The following CCDC3 variants were observed in gnomAD, a reference collection of about 807,000 sequenced individuals.
The protein encoded by CCDC3 is coiled-coil domain containing 3, also known as coiled-coil domain-containing protein 3.
A neutral mutation model predicts 21.4 loss-of-function variants in CCDC3; 24 were observed. The observed-to-expected ratio is 1.12, with a 90% CI of 0.81 to 1.58. CCDC3 has a LOEUF of 1.58. Among genes scored for constraint, CCDC3 ranks in the 40% most tolerant of loss-of-function variants. The pLI is 0.00. For missense variants in CCDC3, 425 were observed against 360.9 expected (o/e 1.18, Z -1.44); for synonymous variants, 186 against 166.0 (o/e 1.12, Z -0.93).
At chr10:13,076,872 A>C (rs745871675) in intron 3 of CCDC3, among the ~76,000 whole-genome samples, 2 of 152,204 alleles carry the variant, frequency 1.3e-5, no homozygotes, top group Non-Finnish European at 2.9e-5. Context: ...GCTCCAGCCA[A>C]TGGAGACAGG....
At chr10:12,948,177 C>T (rs781119841) in intron 2 of CCDC3, among the ~76,000 whole-genome samples, 8 of 152,116 alleles carry the variant, frequency 5.3e-5, no homozygotes, top group Non-Finnish European at 1.0e-4. Flanking sequence ...GGGCAGTTCC[C>T]CTGCACACAC....
At chr10:13,071,254 C>T (rs1042605980) in intron 4 of CCDC3, among the ~76,000 whole-genome samples, 4 of 152,060 alleles carry the variant, frequency 2.6e-5, no homozygotes, top group Non-Finnish European at 5.9e-5. Context: ...TCAATTCCAC[C>T]GCTTCATCTC....
At chr10:13,081,699 G>T (rs537309282) in intron 3 of CCDC3, among the ~76,000 whole-genome samples, 320 of 152,260 alleles carry the variant, frequency 2.1e-3, no homozygotes, top group African/African-American at 7.2e-3. Flanking sequence ...ACAATGACAA[G>T]ACCAAAGTCT....
At position 13,050,706 on chromosome 10, in the gene CCDC3, G is replaced by A. The variant is rs1274220337; in HGVS notation, c.-269-765C>T. Among the ~76,000 whole-genome samples the A allele has an allele frequency of 2.0e-5, 3 of 151,922 alleles. No homozygotes were observed. The East Asian group carries it at 5.8e-4, about 29-fold the overall frequency. On this transcript the variant is annotated intron_variant, in intron 4 of 6. Transcript: ENST00000378839. ...GAACTCCTGACTTTGTGATCCACCCGCCTCAGCCTCCCAAAGTGCTTAGAT... is the reference window on the plus strand; with the variant it reads ...GAACTCCTGACTTTGTGATCCACCCACCTCAGCCTCCCAAAGTGCTTAGAT...
chr10:12,949,488 T>A (rs961603811), intron 2 of CCDC3, among the ~76,000 whole-genome samples: 2 of 152,206 alleles, frequency 1.3e-5, no homozygotes, highest in Non-Finnish European at 2.9e-5. Context: ...TGGAGGGATC[T>A]GACACTGTGG....
intron 2 of CCDC3, among the ~76,000 whole-genome samples, chr10:12,964,314 G>A (rs987311217): frequency 6.6e-6 from 1 of 151,882 alleles, no homozygotes; most frequent in Non-Finnish European, 1.5e-5. Flanking sequence ...AGAGGTTGCA[G>A]TGAGCTGAGA....
At chr10:12,953,763 G>A (rs754623587) in intron 2 of CCDC3, among the ~76,000 whole-genome samples, 13 of 151,968 alleles carry the variant, frequency 8.6e-5, no homozygotes, top group Non-Finnish European at 1.6e-4. Context: ...GATCACAGAA[G>A]AAAAAAAACC....
intron 4 of CCDC3, among the ~76,000 whole-genome samples, chr10:13,061,986 G>T: frequency 7.1e-6 from 1 of 141,572 alleles, no homozygotes; most frequent in African/African-American, 2.7e-5. Flanking sequence ...ACCCAGAAAG[G>T]ACAGTTTTAC....
intron 5 of CCDC3, among the ~76,000 whole-genome samples, chr10:13,032,733 C>A (rs1554763162): frequency 6.6e-6 from 1 of 152,174 alleles, no homozygotes; most frequent in Non-Finnish European, 1.5e-5. Context: ...AGTCAACTCC[C>A]ATTCACAATT....
At chr10:12,982,206 G>A (rs1835509308) in intron 2 of CCDC3, among the ~76,000 whole-genome samples, 1 of 149,288 alleles carries the variant, frequency 6.7e-6, no homozygotes, top group Admixed American at 6.7e-5. Flanking sequence ...CAACGTGGAG[G>A]ACCTTGAGGA....
chr10:13,000,105 G>T (rs183115446), intron 1 of CCDC3, among the ~76,000 whole-genome samples: 57 of 152,314 alleles, frequency 3.7e-4, no homozygotes, highest in African/African-American at 1.3e-3. Flanking sequence ...AGCTAAAAGT[G>T]AATCTGCAGA....
chr10:12,974,892 T>C (rs1438026063), intron 2 of CCDC3, among the ~76,000 whole-genome samples: 1 of 152,230 alleles, frequency 6.6e-6, no homozygotes. Flanking sequence ...CTAATATTTT[T>C]TGAGAACCCA....
chr10:12,956,740 T>A (rs1452419518), intron 2 of CCDC3, among the ~76,000 whole-genome samples: 1 of 152,126 alleles, frequency 6.6e-6, no homozygotes, highest in Non-Finnish European at 1.5e-5. Flanking sequence ...CAGCTACAAC[T>A]TTTAGCACAA....
intron 4 of CCDC3, among the ~76,000 whole-genome samples, chr10:13,073,553 T>A (rs1321883752): frequency 9.3e-6 from 1 of 107,720 alleles, no homozygotes; most frequent in Admixed American, 1.1e-4. Flanking sequence ...CCAGGCTGGC[T>A]CACTGCAACC....
intron 2 of CCDC3, among the ~76,000 whole-genome samples, chr10:12,917,440 C>A (rs1367209691): frequency 6.6e-6 from 1 of 152,042 alleles, no homozygotes; most frequent in Non-Finnish European, 1.5e-5. Context: ...TCGTGATCCG[C>A]CCACCTCGGC....
intron 5 of CCDC3, among the ~76,000 whole-genome samples, chr10:13,038,823 G>A (rs1282763480): frequency 6.6e-6 from 1 of 152,192 alleles, no homozygotes; most frequent in Non-Finnish European, 1.5e-5. Flanking sequence ...TAGATCTGTG[G>A]GCTGGGGAGA....
chr10:12,968,028 G>A (rs1021892025), intron 2 of CCDC3, among the ~76,000 whole-genome samples: 1 of 152,064 alleles, frequency 6.6e-6, no homozygotes, highest in Non-Finnish European at 1.5e-5. Context: ...AATTAGCCAG[G>A]TGTGGTGGCG....
intron 5 of CCDC3, among the ~76,000 whole-genome samples, chr10:13,035,668 G>C (rs576326131): frequency 4.5e-4 from 69 of 152,278 alleles, no homozygotes; most frequent in African/African-American, 1.7e-3. Context: ...AAAATATCAA[G>C]AACATCCAGG....
intron 2 of CCDC3, among the ~76,000 whole-genome samples, chr10:12,977,995 G>A (rs928099020): frequency 1.3e-5 from 2 of 151,960 alleles, no homozygotes; most frequent in African/African-American, 4.8e-5. Flanking sequence ...TATCGCTTGG[G>A]AAAGAAAAGC....
Sources: allele counts gnomAD v4.1 joint callset (sites outside exome capture counted in the v4.1 genomes callset), GRCh38; gene constraint gnomAD v4.1.1; transcripts MANE v1.5; gene names NCBI Gene and HGNC (gene_info 2026-07-23, HGNC 2026-07-21).